SLC12A7: variants seen among roughly 807,000 people sequenced by gnomAD.
SLC12A7 encodes K-Cl cotransporter 4.
In SLC12A7, 100 loss-of-function variants were observed where a neutral mutation model predicts 120.6. The observed-to-expected ratio is 0.83, with a 90% CI of 0.71 to 0.98. The LOEUF is 0.98. SLC12A7 is among the 50% of genes least tolerant of loss of function. The pLI, the probability that SLC12A7 is intolerant of heterozygous loss-of-function variation, is 0.00. For synonymous variants in SLC12A7, 760 were observed against 678.0 expected, an observed-to-expected ratio of 1.12 and a Z score of -1.88; for missense variants, 1,373 against 1,548.1, an observed-to-expected ratio of 0.89 and a Z score of 1.90.
chr5:1,141,529 G>A, the SLC12A7 span, among the ~76,000 whole-genome samples: 2 of 152,238 alleles, frequency 1.3e-5, no homozygotes, highest in Admixed American at 6.5e-5. Flanking sequence ...CTTGTTTTCT[G>A]TATCTCCTGG....
the SLC12A7 span, among the ~76,000 whole-genome samples, chr5:1,119,975 C>A: frequency 6.6e-6 from 1 of 152,260 alleles, no homozygotes; most frequent in Admixed American, 6.5e-5. Flanking sequence ...CTGGGACCCC[C>A]CCATAGGTCA....
In SLC12A7 at chr5:1,062,368, C is replaced by T. The variant is rs184719373; in HGVS notation, c.2739+1476G>A. 5.9e-5 allele frequency among the ~76,000 whole-genome samples: 9 copies of T among 152,316 alleles called. No individual in the cohort carries two copies. In the East Asian group the frequency reaches 9.6e-4, roughly 16 times the overall value. ...ATAATAACCCCTACAACCTTGAACC[C>T]GCAAAGCCTCGTCCAAACAAGACAA... is the stretch of plus-strand genomic sequence containing the variant. On this transcript the variant is annotated intron_variant, in intron 20 of 23. Transcript: ENST00000264930.
Position 1,088,427 on chromosome 5 carries a change from A to C in SLC12A7, c.490-67T>G. 3 of 1,502,640 alleles carry C rather than the reference A, an allele frequency of 2.0e-6. No homozygotes were observed. The East Asian group carries it at 7.3e-5, about 37-fold the overall frequency. 93.1% of individuals were successfully genotyped at this position (1,502,640 alleles called of 1,614,324 possible). A position where few individuals can be genotyped will look rare whatever the true frequency, so the allele number is the denominator to read the frequency against. On this transcript the variant is annotated intron_variant, in intron 4 of 23. Coordinates refer to ENST00000264930, the MANE Select transcript of SLC12A7 (RefSeq NM_006598.3). ...AGCCTGCCGGCATCGCAACACTCCC[A>C]AGTCAGGGTCTATGACCCGGCTCCC...
intron 1 of SLC12A7, among the ~76,000 whole-genome samples, chr5:1,098,119 TAACCCTCTGCAAGCCCAGCCCCCAC>T (rs1485702027): frequency 3.8e-3 from 85 of 22,470 alleles, no homozygotes; most frequent in African/African-American, 6.3e-3. Context: ...AGCCCCCCTC[TAACCCTCTGCAAGCCCAGCCCCCAC>T]AACCCTCTGC....
the SLC12A7 span, among the ~76,000 whole-genome samples, chr5:1,127,578 C>G: frequency 6.6e-6 from 1 of 152,072 alleles, no homozygotes. Flanking sequence ...CACAGCAGTC[C>G]GAGGAAACTG....
In SLC12A7 at chr5:1,074,582, T is replaced by TG. The variant is rs767964038; in HGVS notation, c.2056dup (p.His686ProfsTer230). Reference sequence around the variant, plus strand: ...CGGTGCTCACCTCCAGTTCTTGGTGTGGGGGGGACCGTGCTCCACGCGCAG... The same window carrying TG: ...CGGTGCTCACCTCCAGTTCTTGGTGTGGGGGGGGACCGTGCTCCACGCGCAG... On this transcript the variant is annotated frameshift_variant, in exon 16 of 24. Transcript: ENST00000264930. LOFTEE classifies it high-confidence loss of function. 9 of 1,611,350 alleles carry TG rather than the reference T, an allele frequency of 5.6e-6. No individual in the cohort carries two copies. Among genetic ancestry groups the TG allele is most frequent in the Admixed American group, 3.3e-5 (2 of 59,874 alleles).
chr5:1,110,014 G>T (rs1742874067), intron 1 of SLC12A7, among the ~76,000 whole-genome samples: 1 of 152,202 alleles, frequency 6.6e-6, no homozygotes, highest in South Asian at 2.1e-4. Flanking sequence ...CCACCAAAAA[G>T]CAAAGCCTGT....
chr5:1,118,891 G>A, the SLC12A7 span, among the ~76,000 whole-genome samples: 4 of 152,318 alleles, frequency 2.6e-5, no homozygotes, highest in African/African-American at 9.6e-5. Flanking sequence ...GGGCCGGCTG[G>A]CGGGAGAGGC....
At chr5:1,063,476 C>T (rs1295455616) in intron 20 of SLC12A7, among the ~76,000 whole-genome samples, 1 of 152,158 alleles carries the variant, frequency 6.6e-6, no homozygotes, top group Non-Finnish European at 1.5e-5. Flanking sequence ...AACACCCACA[C>T]CCGTGTTACA....
In SLC12A7 at chr5:1,052,311, C is replaced by G. The variant is rs1418516882; in HGVS notation, c.*49G>C. 6.6e-7 allele frequency: 1 copy of G among 1,508,648 alleles called. No homozygotes were observed. The highest frequency in any genetic ancestry group is 2.3e-5 in the East Asian group (1 of 44,352). 93.5% of individuals were successfully genotyped at this position (1,508,648 alleles called of 1,614,324 possible). A position where few individuals can be genotyped will look rare whatever the true frequency, so the allele number is the denominator to read the frequency against. Reference sequence around the variant, plus strand: ...TGGGCCAAGCCCAGGCCCAGGCTGCCCACGCCGTCCTCCGTGCCTGTCCCA... The same window carrying G: ...TGGGCCAAGCCCAGGCCCAGGCTGCGCACGCCGTCCTCCGTGCCTGTCCCA... On this transcript the variant is annotated 3_prime_UTR_variant, in exon 24 of 24. Transcript: ENST00000264930.
intron 1 of SLC12A7, among the ~76,000 whole-genome samples, chr5:1,104,339 C>T (rs1012967879): frequency 1.3e-5 from 2 of 152,234 alleles, no homozygotes; most frequent in African/African-American, 4.8e-5. Flanking sequence ...ACTTTAACAA[C>T]CTCCTCCCGG....
the SLC12A7 span, among the ~76,000 whole-genome samples, chr5:1,144,096 G>T: frequency 6.6e-6 from 1 of 152,188 alleles, no homozygotes; most frequent in Non-Finnish European, 1.5e-5. Flanking sequence ...GGGCACACCC[G>T]CCAACCTCAG....
At chr5:1,154,148 C>G in the SLC12A7 span, among the ~76,000 whole-genome samples, 2 of 151,628 alleles carry the variant, frequency 1.3e-5, no homozygotes, top group African/African-American at 2.4e-5. Flanking sequence ...ACAAGTGTCC[C>G]GTCCACCTCA....
chr5:1,064,981 G>A (rs1346806858), intron 18 of SLC12A7, among the ~76,000 whole-genome samples: 2 of 143,212 alleles, frequency 1.4e-5, no homozygotes, highest in Non-Finnish European at 3.0e-5. Context: ...AGGGGACAGC[G>A]AGGGGATGGC....
intron 6 of SLC12A7, 141 bp downstream of exon 6, chr5:1,086,762 C>T (rs1739902658): frequency 7.6e-6 from 9 of 1,176,822 alleles, no homozygotes; most frequent in South Asian, 1.5e-5. Flanking sequence ...GGCCAGAGCC[C>T]AGGAGAGCCC....
At chr5:1,107,298 G>A (rs1265153720) in intron 1 of SLC12A7, among the ~76,000 whole-genome samples, 1 of 152,350 alleles carries the variant, frequency 6.6e-6, no homozygotes, top group South Asian at 2.1e-4. Context: ...AGGCCCACCT[G>A]GGTCGCTTTC....
chr5:1,143,181 A>C, the SLC12A7 span, among the ~76,000 whole-genome samples: 5 of 152,184 alleles, frequency 3.3e-5, no homozygotes, highest in African/African-American at 1.2e-4. Context: ...ATTTCCCAAG[A>C]CCGGAGCTTC....
chr5:1,132,720 C>T, the SLC12A7 span, among the ~76,000 whole-genome samples: 1 of 152,176 alleles, frequency 6.6e-6, no homozygotes, highest in South Asian at 2.1e-4. Context: ...CCGGCCCCTC[C>T]TAAGAGGCGT....
chr5:1,064,006 C>T (rs760067571), intron 19 of SLC12A7, 31 bp from the exon 20 acceptor site: 2 of 1,609,344 alleles, frequency 1.2e-6, no homozygotes, highest in Non-Finnish European at 1.7e-6. Context: ...GCTGTGGGGC[C>T]TCAGAGGAGC....
Sources: gnomAD v4.1 joint callset for allele counts (sites outside exome capture counted in the v4.1 genomes callset) on GRCh38, gnomAD v4.1.1 for gene constraint, MANE v1.5 for transcripts, NCBI Gene and HGNC (gene_info 2026-07-23, HGNC 2026-07-21) for gene names.